PROX1: variants seen among roughly 807,000 people sequenced by gnomAD.
PROX1 encodes prospero homeobox 1.
Under a neutral mutation model 58.8 loss-of-function variants are expected in PROX1, and 7 were observed. The ratio of observed to expected loss-of-function variants is 0.12; its 90% CI spans 0.07 to 0.22. The LOEUF (loss-of-function observed/expected upper bound fraction) is 0.22, where lower values mean the gene tolerates loss of function less well. PROX1 is among the 10% of genes least tolerant of loss of function. PROX1 has a pLI of 1.00. For synonymous variants in PROX1, 350 were observed against 358.3 expected (o/e 0.98, Z 0.26); for missense variants, 675 against 927.8 (o/e 0.73, Z 3.54).
Position 213,988,410 on chromosome 1 carries a change from A to AAAGAGAGAGAGAGAT in PROX1, c.-140_-139insAGAGAGAGAGAGATA, listed in dbSNP as rs1396671226. The AAAGAGAGAGAGAGAT allele has an allele frequency of 3.0e-4, 32 of 106,696 alleles. No homozygotes were observed. The highest frequency in any genetic ancestry group is 3.5e-4 in the Non-Finnish European group (16 of 45,678). 6.6% of individuals were successfully genotyped at this position (106,696 alleles called of 1,614,324 possible). A position where few individuals can be genotyped will look rare whatever the true frequency, so the allele number is the denominator to read the frequency against. ...TTCCTCTCTCTGCCGGGGGAAAAAAAAGAGAGAGAGAGAGATAGAGAGAGA... is the reference window on the plus strand; with the variant it reads ...TTCCTCTCTCTGCCGGGGGAAAAAAAAAGAGAGAGAGAGATAGAGAGAGAGAGAGATAGAGAGAGA... On this transcript the variant is annotated 5_prime_UTR_variant, in exon 1 of 5. Coordinates refer to ENST00000366958, the MANE Select transcript of PROX1 (RefSeq NM_001270616.2).
intron 4 of PROX1, among the ~76,000 whole-genome samples, chr1:214,024,568 C>T (rs113403343): frequency 0.02 from 3,015 of 152,262 alleles, 77 homozygotes; most frequent in Non-Finnish European, 0.024. Context: ...CAATCCCTTT[C>T]TCATCACAAC....
At chr1:213,998,322 G>A in intron 2 of PROX1, 62 bp downstream of exon 2, 1 of 1,495,088 alleles carries the variant, frequency 6.7e-7, no homozygotes, top group Non-Finnish European at 9.0e-7. Context: ...AAAAGGTTGG[G>A]TTTACACAAT....
At chr1:214,005,350 G>A in intron 3 of PROX1, 78 bp downstream of exon 3, 1 of 1,098,562 alleles carries the variant, frequency 9.1e-7, no homozygotes, top group Non-Finnish European at 1.3e-6. Context: ...AGTTAATGGA[G>A]ATGAATGTGG....
Position 213,997,111 on chromosome 1 carries a change from G to T in PROX1, c.576G>T (p.Glu192Asp). Reference protein sequence around the residue: ...VALRGNENEREMAPQSVSPRE... With the variant: ...VALRGNENERDMAPQSVSPRE... ...TAAGGGGCAATGAAAATGAAAGAGA[G>T]ATGGCCCCGCAGTCTGTGAGTCCCC... Residue 192 changes from glutamate (E) to aspartate (D), a missense_variant, in exon 2 of 5, where the codon GAG (glutamate) becomes GAT (aspartate). Glu to Asp is a conservative substitution (Grantham distance 45). Coordinates refer to ENST00000366958, the MANE Select transcript of PROX1 (RefSeq NM_001270616.2). The surrounding 1 kb of genome is among the most constrained non-coding windows in gnomAD (Gnocchi z 7.1). 3 of 1,613,798 alleles carry T rather than the reference G, an allele frequency of 1.9e-6. No individual in the cohort carries two copies. Among genetic ancestry groups the T allele is most frequent in the Non-Finnish European group, 2.5e-6 (3 of 1,179,904 alleles).
At chr1:214,015,593 G>A (rs1429293087) in intron 4 of PROX1, among the ~76,000 whole-genome samples, 4 of 151,956 alleles carry the variant, frequency 2.6e-5, no homozygotes, top group African/African-American at 7.3e-5. Flanking sequence ...TCTGAGGCTG[G>A]TTTACCTGTT....
At chr1:213,995,294 T>C (rs948518223) in intron 1 of PROX1, among the ~76,000 whole-genome samples, 10 of 152,226 alleles carry the variant, frequency 6.6e-5, no homozygotes, top group African/African-American at 2.4e-4. Flanking sequence ...AGTTAATAAG[T>C]TACACAATGT....
rs1664973761 is a variant in PROX1, at chr1:214,040,452, C to T, written c.*4618C>T. ...TTCATTCTGTATTTTTTTAAATATT[C>T]AATTCCCCTAAAAATGGGGAGAAAA... On this transcript the variant is annotated 3_prime_UTR_variant, in exon 5 of 5. Transcript: ENST00000366958. 2 of 152,180 alleles carry T rather than the reference C, an allele frequency of 1.3e-5. No individual in the cohort carries two copies. The highest frequency in any genetic ancestry group is 2.1e-4 in the South Asian group (1 of 4,818). The allele number at this position is 152,180 out of a possible 1,614,324, so 9.4% of individuals were successfully genotyped here.
At position 213,994,775 on chromosome 1, in the gene PROX1, AT is replaced by A. The variant is rs1663186660; in HGVS notation, c.-67-1693del. ...AATATATATATATATATATATATATATATATATATATATATATATATATATA... is the reference window on the plus strand; with the variant it reads ...AATATATATATATATATATATATATAATATATATATATATATATATATATA... On this transcript the variant is annotated intron_variant, in intron 1 of 4. Coordinates refer to ENST00000366958, the MANE Select transcript of PROX1 (RefSeq NM_001270616.2). Among the ~76,000 whole-genome samples the A allele has an allele frequency of 1.6e-4, 6 of 36,936 alleles. 1 individual carries two copies. Among genetic ancestry groups the A allele is most frequent in the Admixed American group, 3.4e-4 (1 of 2,908 alleles). The allele number at this position is 36,936 out of a possible 152,430, so 24.2% of individuals were successfully genotyped here.
At chr1:214,009,387 C>T (rs1663829514) in intron 3 of PROX1, among the ~76,000 whole-genome samples, 1 of 152,148 alleles carries the variant, frequency 6.6e-6, no homozygotes, top group Non-Finnish European at 1.5e-5. Flanking sequence ...TCTTGTAAGC[C>T]ACTACAGAAT....
At chr1:213,992,011 T>G (rs2102682928) in intron 1 of PROX1, among the ~76,000 whole-genome samples, 1 of 152,334 alleles carries the variant, frequency 6.6e-6, no homozygotes. Context: ...CAAAGGACAT[T>G]TAGAGAGTTC....
intron 4 of PROX1, chr1:214,030,148 C>T (rs1202661385): frequency 6.6e-6 from 1 of 152,466 alleles, no homozygotes. Flanking sequence ...TTGACATTGT[C>T]TTCTTACAGT....
At chr1:214,005,950 G>T (rs1282578355) in intron 3 of PROX1, among the ~76,000 whole-genome samples, 3 of 151,998 alleles carry the variant, frequency 2.0e-5, no homozygotes, top group Non-Finnish European at 2.9e-5. Context: ...ATGCGTGTGT[G>T]TGTGTGTGTG....
intron 4 of PROX1, 59 bp downstream of exon 4, chr1:214,011,774 T>G: frequency 1.4e-6 from 2 of 1,421,818 alleles, no homozygotes; most frequent in Non-Finnish European, 1.9e-6. Flanking sequence ...AAAATTTATT[T>G]TCTTTAGAAA....
intron 3 of PROX1, among the ~76,000 whole-genome samples, chr1:214,005,985 G>T (rs562729815): frequency 6.6e-6 from 1 of 151,646 alleles, no homozygotes; most frequent in Non-Finnish European, 1.5e-5. Context: ...TCTGTGTGTG[G>T]GTTTTAAGTA....
chr1:214,023,766 T>C (rs1304776141), intron 4 of PROX1, among the ~76,000 whole-genome samples: 2 of 152,254 alleles, frequency 1.3e-5, no homozygotes, highest in Non-Finnish European at 2.9e-5. Flanking sequence ...ACCTAAGTTC[T>C]GTTTTCTTAA....
At chr1:214,024,749 C>T (rs544047816) in intron 4 of PROX1, among the ~76,000 whole-genome samples, 23 of 152,298 alleles carry the variant, frequency 1.5e-4, no homozygotes, top group African/African-American at 5.3e-4. Context: ...TCGAACGAAA[C>T]AGGAGTAACT....
At chr1:213,989,266 C>T (rs1442729112) in intron 1 of PROX1, among the ~76,000 whole-genome samples, 1 of 151,844 alleles carries the variant, frequency 6.6e-6, no homozygotes, top group Non-Finnish European at 1.5e-5. Flanking sequence ...CGCGGCGCCC[C>T]TCTTCCGAGC....
upstream of PROX1, chr1:213,986,091 A>G (rs148564519): frequency 1.1e-4 from 17 of 152,308 alleles, no homozygotes; most frequent in African/African-American, 3.1e-4. Flanking sequence ...CAACCAATAG[A>G]AGCATTATTC....
At chr1:214,007,845 A>C (rs1243853973) in intron 3 of PROX1, among the ~76,000 whole-genome samples, 2 of 152,238 alleles carry the variant, frequency 1.3e-5, no homozygotes, top group African/African-American at 4.8e-5. Context: ...TCAAGAAATC[A>C]CTAGAGAAAT....
Sources: allele counts gnomAD v4.1 joint callset (sites outside exome capture counted in the v4.1 genomes callset), GRCh38; gene constraint gnomAD v4.1.1; non-coding constraint Gnocchi (gnomAD v3.1); transcripts MANE v1.5; gene names NCBI Gene and HGNC (gene_info 2026-07-23, HGNC 2026-07-21).